The following MPRIP variants were observed in gnomAD, a reference collection of about 807,000 sequenced individuals.
MPRIP encodes myosin phosphatase Rho-interacting protein.
In MPRIP, 59 loss-of-function variants were observed where a neutral mutation model predicts 234.9. That is an observed-to-expected ratio of 0.25 (90% confidence interval 0.20 to 0.31). MPRIP has a LOEUF of 0.31. Ranked by LOEUF, MPRIP falls within the 10% of genes least tolerant of loss-of-function variation. The pLI is 1.00. For missense variants in MPRIP, 2,436 were observed against 3,071.0 expected, an observed-to-expected ratio of 0.79 and a Z score of 4.89; for synonymous variants, 1,144 against 1,263.9, an observed-to-expected ratio of 0.91 and a Z score of 2.01.
Position 17,164,271 on chromosome 17 carries a change from C to G in MPRIP, c.2680C>G (p.His894Asp), listed in dbSNP as rs2045933083. The G allele has an allele frequency of 1.5e-6, 2 of 1,304,232 alleles. No homozygotes were observed. Among genetic ancestry groups the G allele is most frequent in the African/African-American group, 3.0e-5 (2 of 65,994 alleles). 80.8% of individuals were successfully genotyped at this position (1,304,232 alleles called of 1,614,324 possible). The change falls in exon 16 of 24, where the codon CAC (histidine) becomes GAC (aspartate). Residue 894 changes from histidine to aspartate, a missense_variant. His to Asp is a moderately conservative substitution (Grantham distance 81). This residue lies in a region of MPRIP where 1,998 missense variants were observed against 2,520.3 expected (regional missense o/e 0.79). Transcript: ENST00000651222. ...SYGEAKDTIR[H>D]HEAEIRSLQA... ...TGGGGAGGCCAAGGACACGATCCGG[C>G]ACCACGAGGCTGAGATCCGGAGCCT...
At chr17:17,071,377 A>G (rs1339087991) in intron 1 of MPRIP, among the ~76,000 whole-genome samples, 1 of 151,076 alleles carries the variant, frequency 6.6e-6, no homozygotes, top group African/African-American at 2.4e-5. Flanking sequence ...TCCAGTACCC[A>G]CTCTGGGATA....
chr17:17,178,251 A>G (rs1412716318), intron 22 of MPRIP, among the ~76,000 whole-genome samples: 1 of 152,120 alleles, frequency 6.6e-6, no homozygotes, highest in East Asian at 1.9e-4. Context: ...TTTGACCTTC[A>G]TCTTGATTTT....
In MPRIP at chr17:17,115,561, G is replaced by A. The variant is rs779216105; in HGVS notation, c.268-11141G>A. On this transcript the variant is annotated intron_variant, in intron 3 of 23. Coordinates refer to ENST00000651222, the MANE Select transcript of MPRIP (RefSeq NM_001364716.4). ...AGTGTTCTGTTTTGTTTTGTTTGAA[G>A]TGTACAGGTCATTGTCTTTGAGGAT... 7.9e-5 allele frequency among the ~76,000 whole-genome samples: 12 copies of A among 152,334 alleles called. 1 individual carries two copies. In the South Asian group the frequency reaches 1.2e-3, roughly 16 times the overall value.
Position 17,185,172 on chromosome 17 carries a change from C to G in MPRIP, c.*278C>G, listed in dbSNP as rs1416865168. ...GGGAGGGCATCTGTGTTAGTCCTTT[C>G]CTGGCTGTGACCCGCCACACTCACT... is the stretch of plus-strand genomic sequence containing the variant. On this transcript the variant is annotated 3_prime_UTR_variant, in exon 24 of 24. Coordinates refer to ENST00000651222, the MANE Select transcript of MPRIP (RefSeq NM_001364716.4). The G allele has an allele frequency of 2.6e-5, 9 of 351,886 alleles. No homozygotes were observed. The highest frequency in any genetic ancestry group is 1.7e-4 in the African/African-American group (8 of 47,118). The allele number at this position is 351,886 out of a possible 1,614,324, so 21.8% of individuals were successfully genotyped here. A position where few individuals can be genotyped will look rare whatever the true frequency, so the allele number is the denominator to read the frequency against.
At chr17:17,096,288 GGTGTGTGTGTGTGTGT>G (rs59748753) in intron 3 of MPRIP, among the ~76,000 whole-genome samples, 9,710 of 136,464 alleles carry the variant, frequency 0.071, 363 homozygotes, top group African/African-American at 0.097. Context: ...GTGTGTGCAG[GGTGTGTGTGTGTGTGT>G]GTGTGTGTGT....
intron 1 of MPRIP, among the ~76,000 whole-genome samples, chr17:17,055,797 C>G (rs982195406): frequency 6.6e-6 from 1 of 152,166 alleles, no homozygotes. Flanking sequence ...TTTTCCTATA[C>G]GGAAATTGCT....
intron 3 of MPRIP, among the ~76,000 whole-genome samples, chr17:17,099,753 A>G (rs1478733590): frequency 6.6e-6 from 1 of 152,182 alleles, no homozygotes; most frequent in Non-Finnish European, 1.5e-5. Flanking sequence ...TGTAGACAAT[A>G]AAAAATATAT....
chr17:17,117,287 T>C (rs1050561156), intron 3 of MPRIP, among the ~76,000 whole-genome samples: 1 of 152,180 alleles, frequency 6.6e-6, no homozygotes, highest in African/African-American at 2.4e-5. Flanking sequence ...CTGTGCAGTA[T>C]CGTTTGTAGT....
chr17:17,145,423 GGT>G (rs1246936442), intron 9 of MPRIP, among the ~76,000 whole-genome samples: 1 of 152,230 alleles, frequency 6.6e-6, no homozygotes, highest in Non-Finnish European at 1.5e-5. Flanking sequence ...TCAGGGCCCA[GGT>G]GTGTCTGGGC....
chr17:17,124,834 A>T (rs932383681), intron 3 of MPRIP, among the ~76,000 whole-genome samples: 1 of 152,178 alleles, frequency 6.6e-6, no homozygotes, highest in African/African-American at 2.4e-5. Flanking sequence ...CTATGCCAGG[A>T]TGCCCAGGAT....
At chr17:17,162,167 A>G (rs1247769711) in intron 15 of MPRIP, among the ~76,000 whole-genome samples, 2 of 152,250 alleles carry the variant, frequency 1.3e-5, no homozygotes, top group Non-Finnish European at 1.5e-5. Flanking sequence ...AGGGTATAAC[A>G]TTAGAATCAA....
chr17:17,152,991 G>A (rs538362311), intron 12 of MPRIP, among the ~76,000 whole-genome samples: 4 of 152,300 alleles, frequency 2.6e-5, no homozygotes, highest in South Asian at 4.1e-4. Context: ...TTAGGCAGCC[G>A]CTGGGAAAGA....
At chr17:17,068,347 T>G (rs907144929) in intron 1 of MPRIP, among the ~76,000 whole-genome samples, 3 of 151,994 alleles carry the variant, frequency 2.0e-5, no homozygotes, top group African/African-American at 7.2e-5. Context: ...ACGGGGTTTC[T>G]TCATGTTGGT....
At chr17:17,124,385 CTAACATA>C (rs1953269934) in intron 3 of MPRIP, among the ~76,000 whole-genome samples, 1 of 152,214 alleles carries the variant, frequency 6.6e-6, no homozygotes, top group Admixed American at 6.5e-5. Flanking sequence ...TATATTCCAT[CTAACATA>C]TGTCTCTGTG....
Position 17,180,042 on chromosome 17 carries a change from A to C in MPRIP, c.7160A>C (p.Lys2387Thr), listed in dbSNP as rs752726399. The change falls in exon 23 of 24, where the codon AAA becomes ACA. Residue 2387 changes from lysine (K) to threonine (T), a missense_variant. Around this residue, in one of 4 missense-constraint regions of MPRIP, gnomAD observed 1,998 missense variants for 2,520.3 expected, o/e 0.79. Coordinates refer to ENST00000651222, the MANE Select transcript of MPRIP (RefSeq NM_001364716.4). ...AAAAGCAACCCTGACTTCTTGAAGA[A>C]AGACAGATCCTGTGTCACCCGGCAA... is the stretch of plus-strand genomic sequence containing the variant. ...KSKSNPDFLK[K>T]DRSCVTRQLR... is the part of the protein sequence containing the mutation. 2.5e-6 allele frequency: 4 copies of C among 1,595,218 alleles called. No homozygotes were observed. In the African/African-American group the frequency reaches 5.4e-5, roughly 22 times the overall value.
chr17:17,167,912 T>C lies in MPRIP; in HGVS notation c.6321T>C (p.Leu2107=), dbSNP rs1479961405. 3.8e-6 allele frequency: 5 copies of C among 1,302,436 alleles called. No homozygotes were observed. In the Admixed American group the frequency reaches 9.2e-5, roughly 24 times the overall value. The allele number at this position is 1,302,436 out of a possible 1,614,324, so 80.7% of individuals were successfully genotyped here. A position where few individuals can be genotyped will look rare whatever the true frequency, so the allele number is the denominator to read the frequency against. ...REKYQRDLES[L]KATCERGFAA... Reference sequence around the variant, plus strand: ...AGTACCAGAGGGACTTGGAGAGCCTTAAGGTCTTAACGCCCCATTCAATTT... The same window carrying C: ...AGTACCAGAGGGACTTGGAGAGCCTCAAGGTCTTAACGCCCCATTCAATTT... Residue 2107 remains leucine, a synonymous_variant, in exon 16 of 24, where the codon CTT becomes CTC. Transcript: ENST00000651222. The surrounding 1 kb of genome is among the most constrained non-coding windows in gnomAD (Gnocchi z 5.9).
intron 3 of MPRIP, chr17:17,096,793 G>T (rs1340238930): frequency 6.4e-6 from 3 of 470,938 alleles, no homozygotes; most frequent in Non-Finnish European, 8.8e-6. Context: ...CTCTCCTTGG[G>T]GCCTGGGGAA....
chr17:17,120,039 C>A (rs2093949449), intron 3 of MPRIP, among the ~76,000 whole-genome samples: 1 of 152,122 alleles, frequency 6.6e-6, no homozygotes, highest in African/African-American at 2.4e-5. Flanking sequence ...GGGAGTAATT[C>A]TTTGCCCTAG....
intron 1 of MPRIP, among the ~76,000 whole-genome samples, chr17:17,053,196 G>C (rs1462699643): frequency 4.6e-5 from 7 of 152,150 alleles, no homozygotes; most frequent in Admixed American, 1.3e-4. Context: ...TTTCATTTCA[G>C]TGCGCCCAGG....
Sources: gnomAD v4.1 joint callset for allele counts (sites outside exome capture counted in the v4.1 genomes callset) on GRCh38, gnomAD v4.1.1 for gene constraint, gnomAD v4.1.1 regional missense constraint, Gnocchi (gnomAD v3.1) non-coding constraint, MANE v1.5 for transcripts, NCBI Gene and HGNC (gene_info 2026-07-23, HGNC 2026-07-21) for gene names.